The following PCDH9 variants were observed in gnomAD, a reference collection of about 807,000 sequenced individuals.
PCDH9 encodes protocadherin 9.
PCDH9 carries 24 observed loss-of-function variants against 70.6 expected under a neutral mutation model. The ratio of observed to expected loss-of-function variants is 0.34; its 90% CI spans 0.25 to 0.48. The LOEUF (loss-of-function observed/expected upper bound fraction) is 0.48, where lower values mean the gene tolerates loss of function less well. Ranked by LOEUF, PCDH9 falls within the 20% of genes least tolerant of loss-of-function variation. The pLI, the probability that PCDH9 is intolerant of heterozygous loss-of-function variation, is 0.99. For synonymous variants in PCDH9, 562 were observed against 558.5 expected (o/e 1.01, Z -0.09); for missense variants, 1,281 against 1,503.6 (o/e 0.85, Z 2.45).
At chr13:66,455,376 C>T (rs1290739004) in intron 4 of PCDH9, among the ~76,000 whole-genome samples, 1 of 151,778 alleles carries the variant, frequency 6.6e-6, no homozygotes, top group Non-Finnish European at 1.5e-5. Context: ...TAACAATATT[C>T]TCATAATAGT....
At chr13:66,384,597 G>A (rs1344379836) in intron 4 of PCDH9, among the ~76,000 whole-genome samples, 3 of 151,852 alleles carry the variant, frequency 2.0e-5, no homozygotes, top group African/African-American at 7.3e-5. Context: ...TACTGTAACT[G>A]TAGTCCTCAC....
rs552652240 is a variant in PCDH9 at position 66,675,313 on chromosome 13, T to C, written c.3139-43902A>G. On this transcript the variant is annotated intron_variant, in intron 3 of 4. Transcript: ENST00000377865. Reference sequence around the variant, plus strand: ...GATTTTTATTTAAAAGCATATTTTTTAATCGTAAATATCACTGTCACGCAA... The same window carrying C: ...GATTTTTATTTAAAAGCATATTTTTCAATCGTAAATATCACTGTCACGCAA... Among the ~76,000 whole-genome samples, 22 of 152,264 alleles carry C rather than the reference T, an allele frequency of 1.4e-4. No homozygotes were observed. The East Asian group carries it at 4.2e-3, about 29-fold the overall frequency.
At chr13:67,174,359 G>A (rs1411994826) in intron 2 of PCDH9, among the ~76,000 whole-genome samples, 2 of 147,604 alleles carry the variant, frequency 1.4e-5, no homozygotes, top group East Asian at 3.9e-4. Flanking sequence ...ACGAAGGGAG[G>A]GAAGAAAAAT....
chr13:66,491,141 T>C (rs1959025812), intron 4 of PCDH9, among the ~76,000 whole-genome samples: 1 of 152,170 alleles, frequency 6.6e-6, no homozygotes. Flanking sequence ...AATAGGCACT[T>C]CTTTTGCCTC....
intron 3 of PCDH9, among the ~76,000 whole-genome samples, chr13:66,836,542 G>A (rs1435563162): frequency 1.3e-5 from 2 of 152,082 alleles, no homozygotes; most frequent in Admixed American, 1.3e-4. Flanking sequence ...AGGAGCAGAA[G>A]TTAAATCTAT....
chr13:67,048,514 C>T (rs532052936), intron 2 of PCDH9, among the ~76,000 whole-genome samples: 53 of 152,186 alleles, frequency 3.5e-4, no homozygotes, highest in African/African-American at 1.2e-3. Flanking sequence ...ACAGTAACTC[C>T]GGGCATTTCC....
chr13:66,370,705 G>C (rs1298873644), intron 4 of PCDH9, among the ~76,000 whole-genome samples: 1 of 151,518 alleles, frequency 6.6e-6, no homozygotes, highest in Non-Finnish European at 1.5e-5. Context: ...GTAGAGACAA[G>C]GTGTCACTAT....
At chr13:66,846,852 G>A (rs2081219180) in intron 3 of PCDH9, among the ~76,000 whole-genome samples, 1 of 150,166 alleles carries the variant, frequency 6.7e-6, no homozygotes, top group African/African-American at 2.4e-5. Flanking sequence ...CTTCCTCTGG[G>A]CATTCTATCA....
chr13:66,916,029 C>T (rs2082552083), intron 2 of PCDH9, among the ~76,000 whole-genome samples: 1 of 151,402 alleles, frequency 6.6e-6, no homozygotes, highest in African/African-American at 2.4e-5. Flanking sequence ...AGATTTTTTT[C>T]CTCACCTCTG....
intron 4 of PCDH9, among the ~76,000 whole-genome samples, chr13:66,367,171 G>T (rs1016787308): frequency 6.6e-6 from 1 of 151,802 alleles, no homozygotes; most frequent in Non-Finnish European, 1.5e-5. Context: ...TATTATGTAG[G>T]TTATTTATTC....
chr13:66,542,877 G>A (rs1961026354), intron 4 of PCDH9, among the ~76,000 whole-genome samples: 1 of 149,878 alleles, frequency 6.7e-6, no homozygotes, highest in East Asian at 2.0e-4. Flanking sequence ...TCTATCATAT[G>A]AGAAATAAAC....
chr13:66,312,506 G>A (rs1955579623), intron 4 of PCDH9, among the ~76,000 whole-genome samples: 1 of 151,956 alleles, frequency 6.6e-6, no homozygotes, highest in Non-Finnish European at 1.5e-5. Flanking sequence ...AGTTACTCAG[G>A]GGAACTAAGG....
rs71205593 is a variant in PCDH9 at position 66,559,799 on chromosome 13, C to CAAAAAAA, written c.3340+71404_3340+71410dup. The stretch of plus-strand genomic sequence containing the variant: ...TGGGAGACAGAGCAAGACTCCATCT[C>CAAAAAAA]AAAAAAAAAAAAAAAAAAATATATA... On this transcript the variant is annotated intron_variant, in intron 4 of 4. Coordinates refer to ENST00000377865, the MANE Select transcript of PCDH9 (RefSeq NM_203487.3). Among the ~76,000 whole-genome samples the CAAAAAAA allele has an allele frequency of 2.7e-3, 28 of 10,260 alleles. 2 individuals carry two copies. The highest frequency in any genetic ancestry group is 6.2e-3 in the South Asian group (1 of 162). 6.7% of individuals were successfully genotyped at this position (10,260 alleles called of 152,430 possible). A position where few individuals can be genotyped will look rare whatever the true frequency, so the allele number is the denominator to read the frequency against.
intron 2 of PCDH9, among the ~76,000 whole-genome samples, chr13:66,905,238 T>C (rs1474203311): frequency 6.6e-6 from 1 of 152,102 alleles, no homozygotes; most frequent in Non-Finnish European, 1.5e-5. Flanking sequence ...GTGATGTCCA[T>C]AGACATTTTA....
chr13:67,159,867 C>T (rs2087909738), intron 2 of PCDH9, among the ~76,000 whole-genome samples: 2 of 152,118 alleles, frequency 1.3e-5, no homozygotes, highest in Admixed American at 6.5e-5. Context: ...TAGCCAAATA[C>T]GTAGTTTTAT....
At chr13:67,202,670 C>T (rs1013181523) in intron 2 of PCDH9, 2 of 152,060 alleles carry the variant, frequency 1.3e-5, no homozygotes, top group Admixed American at 6.6e-5. Context: ...GCAGATTTAT[C>T]TATTTTTAGT....
At chr13:66,440,350 C>A (rs529160675) in intron 4 of PCDH9, among the ~76,000 whole-genome samples, 6 of 152,042 alleles carry the variant, frequency 3.9e-5, no homozygotes, top group East Asian at 1.9e-4. Context: ...TGAGCCATTG[C>A]AAAGAGAAAT....
intron 3 of PCDH9, among the ~76,000 whole-genome samples, chr13:66,658,156 G>A (rs1293930126): frequency 6.6e-6 from 1 of 152,032 alleles, no homozygotes; most frequent in Non-Finnish European, 1.5e-5. Flanking sequence ...CCAGTCCCCC[G>A]ATTGTACTAG....
At chr13:67,096,843 G>C (rs2086330022) in intron 2 of PCDH9, among the ~76,000 whole-genome samples, 2 of 151,944 alleles carry the variant, frequency 1.3e-5, no homozygotes, top group South Asian at 4.2e-4. Flanking sequence ...CTTTAAAATT[G>C]CTCTAAAAAA....
Sources: gnomAD v4.1 joint callset for allele counts (sites outside exome capture counted in the v4.1 genomes callset) on GRCh38, gnomAD v4.1.1 for gene constraint, MANE v1.5 for transcripts, NCBI Gene and HGNC (gene_info 2026-07-23, HGNC 2026-07-21) for gene names.